The following NEGR1 variants were observed in gnomAD, a reference collection of about 807,000 sequenced individuals.
The protein encoded by NEGR1 is neuronal growth regulator 1.
Under a neutral mutation model 40.9 loss-of-function variants are expected in NEGR1, and 10 were observed. That is an observed-to-expected ratio of 0.24 (90% CI 0.15 to 0.42). NEGR1 has a LOEUF of 0.42. NEGR1 is among the 10% of genes least tolerant of loss of function. The probability of loss-of-function intolerance (pLI) is 1.00; values close to 1 mark genes in which losing one functional copy is unlikely to be tolerated. For missense variants in NEGR1, 352 were observed against 438.9 expected (o/e 0.80, Z 1.77); for synonymous variants, 185 against 166.8 (o/e 1.11, Z -0.84).
At chr1:71,666,735 C>G (rs1203100437) in intron 4 of NEGR1, among the ~76,000 whole-genome samples, 2 of 152,154 alleles carry the variant, frequency 1.3e-5, no homozygotes, top group South Asian at 2.1e-4. Flanking sequence ...AAAGGTTTAA[C>G]ATACCAGAAA....
chr1:72,173,472 A>G (rs1013620562), intron 1 of NEGR1, among the ~76,000 whole-genome samples: 32 of 151,606 alleles, frequency 2.1e-4, no homozygotes, highest in Non-Finnish European at 4.4e-4. Context: ...TCTTTAGAAT[A>G]AGCGTTTGAA....
intron 6 of NEGR1, among the ~76,000 whole-genome samples, chr1:71,480,087 C>T (rs1252309679): frequency 2.6e-5 from 4 of 151,862 alleles, no homozygotes; most frequent in African/African-American, 9.7e-5. Flanking sequence ...AATTACATTT[C>T]AACCAACCCA....
intron 1 of NEGR1, among the ~76,000 whole-genome samples, chr1:72,081,034 A>G (rs1647974857): frequency 6.6e-6 from 1 of 152,108 alleles, no homozygotes; most frequent in African/African-American, 2.4e-5. Context: ...AAGAGAAACA[A>G]TTAGAAGTTT....
chr1:71,776,487 T>TC (rs1042719339), intron 2 of NEGR1, among the ~76,000 whole-genome samples, 190 bp from the exon 3 acceptor site: 4 of 152,162 alleles, frequency 2.6e-5, no homozygotes, highest in African/African-American at 9.7e-5. Context: ...TAGTTTTTTT[T>TC]CCCCTAATTT....
At chr1:72,246,513 A>C (rs1355128063) in intron 1 of NEGR1, among the ~76,000 whole-genome samples, 1 of 152,128 alleles carries the variant, frequency 6.6e-6, no homozygotes, top group African/African-American at 2.4e-5. Context: ...CAGCTTAAGC[A>C]TTTTCTTCTC....
At chr1:71,466,496 A>G (rs992787287) in intron 6 of NEGR1, among the ~76,000 whole-genome samples, 4 of 152,082 alleles carry the variant, frequency 2.6e-5, no homozygotes, top group Non-Finnish European at 5.9e-5. Flanking sequence ...GCATGTTAGA[A>G]TATGATATGC....
intron 1 of NEGR1, among the ~76,000 whole-genome samples, chr1:72,127,647 T>C (rs535643453): frequency 6.6e-6 from 1 of 152,120 alleles, no homozygotes; most frequent in African/African-American, 2.4e-5. Flanking sequence ...ACCTTAAACA[T>C]ATGTGTTTTA....
chr1:71,469,796 C>T (rs537741338), intron 6 of NEGR1, among the ~76,000 whole-genome samples: 18 of 152,156 alleles, frequency 1.2e-4, no homozygotes, highest in African/African-American at 4.1e-4. Flanking sequence ...GGTAGTATGT[C>T]TCTGAGAGGC....
intron 1 of NEGR1, among the ~76,000 whole-genome samples, chr1:72,218,976 G>A (rs919513915): frequency 6.6e-6 from 1 of 151,962 alleles, no homozygotes; most frequent in Non-Finnish European, 1.5e-5. Flanking sequence ...GGACTGACCA[G>A]GGCACTCTCT....
chr1:71,651,007 C>A (rs1010476569), intron 4 of NEGR1, among the ~76,000 whole-genome samples: 5 of 152,060 alleles, frequency 3.3e-5, no homozygotes, highest in African/African-American at 1.2e-4. Flanking sequence ...CAAACAGAAA[C>A]CCATAACTAT....
chr1:72,076,478 C>T (rs556222937), intron 1 of NEGR1, among the ~76,000 whole-genome samples: 1 of 152,056 alleles, frequency 6.6e-6, no homozygotes, highest in Non-Finnish European at 1.5e-5. Flanking sequence ...ACAGCTTGAA[C>T]AGAGTACAAC....
At chr1:72,008,403 A>G (rs1320072524) in intron 1 of NEGR1, among the ~76,000 whole-genome samples, 2 of 152,072 alleles carry the variant, frequency 1.3e-5, no homozygotes, top group Non-Finnish European at 2.9e-5. Flanking sequence ...ACATCATTAC[A>G]TTTTTCTGAC....
intron 1 of NEGR1, among the ~76,000 whole-genome samples, chr1:71,954,981 T>G (rs1424475408): frequency 6.6e-5 from 10 of 152,154 alleles, no homozygotes; most frequent in African/African-American, 2.4e-4. Context: ...ACATGAGGAA[T>G]AAATTTTACA....
intron 1 of NEGR1, among the ~76,000 whole-genome samples, chr1:72,120,769 T>A (rs185393940): frequency 1.3e-5 from 2 of 152,086 alleles, no homozygotes; most frequent in African/African-American, 4.8e-5. Context: ...TAACAAACAC[T>A]ATTTTTAAAA....
chr1:71,733,053 A>G (rs1272817537), intron 3 of NEGR1, among the ~76,000 whole-genome samples: 2 of 151,300 alleles, frequency 1.3e-5, no homozygotes, highest in South Asian at 2.1e-4. Flanking sequence ...CTCAAGTCAA[A>G]TATGGTCACA....
chr1:72,045,576 G>A (rs1646993693), intron 1 of NEGR1, among the ~76,000 whole-genome samples: 1 of 151,690 alleles, frequency 6.6e-6, no homozygotes. Context: ...TTTGCCTGGT[G>A]CCATCCATAT....
chr1:72,264,391 T>A (rs1044660849), intron 1 of NEGR1, among the ~76,000 whole-genome samples: 1 of 151,088 alleles, frequency 6.6e-6, no homozygotes, highest in Non-Finnish European at 1.5e-5. Flanking sequence ...TTCAAAGATA[T>A]GAAAGAAATA....
At chr1:71,795,854 A>G (rs1299949739) in intron 2 of NEGR1, among the ~76,000 whole-genome samples, 1 of 152,160 alleles carries the variant, frequency 6.6e-6, no homozygotes, top group Non-Finnish European at 1.5e-5. Flanking sequence ...TAAAAGTCCA[A>G]TCCTTTAGGA....
chr1:71,887,487 C>A (rs1660754920), intron 2 of NEGR1, among the ~76,000 whole-genome samples: 1 of 152,026 alleles, frequency 6.6e-6, no homozygotes, highest in Admixed American at 6.5e-5. Flanking sequence ...GATTTTTTAA[C>A]CTTAATTTTC....
Sources: gnomAD v4.1 joint callset for allele counts (sites outside exome capture counted in the v4.1 genomes callset) on GRCh38, gnomAD v4.1.1 for gene constraint, MANE v1.5 for transcripts, NCBI Gene and HGNC (gene_info 2026-07-23, HGNC 2026-07-21) for gene names.